The following SGCD variants were observed in gnomAD, a reference collection of about 807,000 sequenced individuals.
The protein encoded by SGCD is sarcoglycan delta.
SGCD carries 18 observed loss-of-function variants against 36.6 expected under a neutral mutation model. That is an observed-to-expected ratio of 0.49 (90% CI 0.34 to 0.73). The LOEUF (loss-of-function observed/expected upper bound fraction) is 0.73. Ranked by LOEUF, SGCD falls within the 30% of genes least tolerant of loss-of-function variation. The pLI, the probability that SGCD is intolerant of heterozygous loss-of-function variation, is 0.01. For missense variants in SGCD, 387 were observed against 346.7 expected (o/e 1.12, Z -0.92); for synonymous variants, 133 against 130.6 (o/e 1.02, Z -0.12).
rs189466762 is a variant in SGCD, at chr5:156,532,712, C to T, written c.294+24010C>T. Among the ~76,000 whole-genome samples the T allele has an allele frequency of 2.0e-3, 312 of 152,276 alleles. 1 individual carries two copies. Among genetic ancestry groups the T allele is most frequent in the African/African-American group, 7.3e-3 (304 of 41,550 alleles). On this transcript the variant is annotated intron_variant, in intron 4 of 8. Coordinates refer to ENST00000337851, the MANE Select transcript of SGCD (RefSeq NM_000337.6). Reference sequence around the variant, plus strand: ...TCCTGACCTCATGATCTGCCCACCTCGGCCTCCCAAAGTGCTGGGATTATA... The same window carrying T: ...TCCTGACCTCATGATCTGCCCACCTTGGCCTCCCAAAGTGCTGGGATTATA...
At chr5:156,124,834 T>G (rs1365362759) in intron 3 of SGCD, among the ~76,000 whole-genome samples, 3 of 151,960 alleles carry the variant, frequency 2.0e-5, no homozygotes. Flanking sequence ...GAGTCAGGCA[T>G]TGTGCTATGA....
chr5:156,364,669 T>G (rs1769994675), intron 3 of SGCD, among the ~76,000 whole-genome samples: 1 of 152,174 alleles, frequency 6.6e-6, no homozygotes, highest in African/African-American at 2.4e-5. Context: ...CTCCCTCCCT[T>G]TGTGGGATTT....
intron 6 of SGCD, among the ~76,000 whole-genome samples, chr5:156,598,103 T>G (rs941622385): frequency 6.6e-6 from 1 of 152,234 alleles, no homozygotes; most frequent in Non-Finnish European, 1.5e-5. Flanking sequence ...CCAGCCTCGG[T>G]GCACTTCACT....
the SGCD span, among the ~76,000 whole-genome samples, chr5:155,863,704 A>G: frequency 0.018 from 2,776 of 151,470 alleles, 42 homozygotes; most frequent in Middle Eastern, 0.038. Flanking sequence ...AGATTTGGAG[A>G]TGAAGGTCAG....
intron 1 of SGCD, among the ~76,000 whole-genome samples, chr5:155,936,451 T>G (rs1417987925): frequency 6.6e-6 from 1 of 152,134 alleles, no homozygotes; most frequent in Non-Finnish European, 1.5e-5. Flanking sequence ...CTCCTCTCCA[T>G]AGCTGGTCGT....
chr5:156,293,700 G>T (rs1581223939), intron 3 of SGCD, among the ~76,000 whole-genome samples: 1 of 151,980 alleles, frequency 6.6e-6, no homozygotes, highest in Non-Finnish European at 1.5e-5. Flanking sequence ...TTATCACATT[G>T]TTTTGATTAT....
At chr5:155,822,270 G>C in the SGCD span, among the ~76,000 whole-genome samples, 1 of 152,104 alleles carries the variant, frequency 6.6e-6, no homozygotes, top group Non-Finnish European at 1.5e-5. Context: ...TTTTAAAAAG[G>C]TGGCCCCTCT....
chr5:156,338,005 G>C (rs1768446845), intron 2 of SGCD, among the ~76,000 whole-genome samples: 1 of 152,128 alleles, frequency 6.6e-6, no homozygotes, highest in Non-Finnish European at 1.5e-5. Flanking sequence ...CTAGTGGGGA[G>C]CAGAGTCAAA....
intron 4 of SGCD, among the ~76,000 whole-genome samples, chr5:156,534,399 C>G (rs1194254897): frequency 6.6e-6 from 1 of 152,176 alleles, no homozygotes; most frequent in African/African-American, 2.4e-5. Flanking sequence ...CCAAATCATC[C>G]TTTTGTTCAT....
intron 7 of SGCD, among the ~76,000 whole-genome samples, chr5:156,719,636 G>T (rs952155795): frequency 5.3e-5 from 8 of 152,002 alleles, no homozygotes; most frequent in African/African-American, 1.9e-4. Context: ...GGATGGTGTT[G>T]CACTATACAA....
rs187440162 is a variant in SGCD at position 156,008,295 on chromosome 5, A to T, written c.-281-109583A>T. On this transcript the variant is annotated intron_variant, in intron 1 of 9. Coordinates refer to the SGCD transcript ENST00000517913. ...TCTGGTGGCTTCCAGCAATCCTTGA[A>T]GTTCCTTGACTTACAGCTGATATGC... Among the ~76,000 whole-genome samples, 376 of 152,228 alleles carry T rather than the reference A, an allele frequency of 2.5e-3. 1 individual carries two copies. The highest frequency in any genetic ancestry group is 0.01 in the Middle Eastern group (3 of 294).
the SGCD span, among the ~76,000 whole-genome samples, chr5:155,759,002 T>G: frequency 6.7e-6 from 1 of 149,714 alleles, no homozygotes; most frequent in Non-Finnish European, 1.5e-5. Flanking sequence ...TTTTATGATT[T>G]TTTTTATTTT....
chr5:156,431,653 T>C (rs1753015312), intron 3 of SGCD, among the ~76,000 whole-genome samples: 2 of 152,218 alleles, frequency 1.3e-5, no homozygotes, highest in Non-Finnish European at 2.9e-5. Context: ...GATGTGGTAC[T>C]GTCCCCCTTC....
chr5:155,914,671 C>T (rs185390761), intron 1 of SGCD, among the ~76,000 whole-genome samples: 125 of 152,200 alleles, frequency 8.2e-4, no homozygotes, highest in Non-Finnish European at 1.3e-3. Flanking sequence ...ACTTTAAAAG[C>T]GTATATTAAG....
intron 3 of SGCD, among the ~76,000 whole-genome samples, chr5:156,397,987 A>G (rs922218603): frequency 6.6e-6 from 1 of 152,204 alleles, no homozygotes; most frequent in Non-Finnish European, 1.5e-5. Context: ...CTGGGTCAGC[A>G]TCCAAACCTT....
At chr5:156,679,261 A>T (rs1013520509) in intron 7 of SGCD, among the ~76,000 whole-genome samples, 1 of 152,218 alleles carries the variant, frequency 6.6e-6, no homozygotes, top group African/African-American at 2.4e-5. Context: ...CAATGTATTC[A>T]GTTTAAGACC....
chr5:156,181,421 CAA>C (rs1356874052), intron 3 of SGCD, among the ~76,000 whole-genome samples: 1 of 152,030 alleles, frequency 6.6e-6, no homozygotes. Context: ...CAAATAAAAA[CAA>C]ATCTGAATTT....
intron 3 of SGCD, among the ~76,000 whole-genome samples, chr5:156,504,450 G>A (rs1305917654): frequency 1.4e-5 from 2 of 145,844 alleles, no homozygotes; most frequent in Non-Finnish European, 3.0e-5. Context: ...ATATTAAACA[G>A]TTATTTTTCA....
chr5:156,102,111 G>A (rs958993817), intron 1 of SGCD, among the ~76,000 whole-genome samples: 3 of 151,828 alleles, frequency 2.0e-5, no homozygotes, highest in African/African-American at 7.3e-5. Context: ...ATACATATTT[G>A]TGGAACAAAT....
Sources: allele counts gnomAD v4.1 joint callset (sites outside exome capture counted in the v4.1 genomes callset), GRCh38; gene constraint gnomAD v4.1.1; transcripts MANE v1.5; gene names NCBI Gene and HGNC (gene_info 2026-07-23, HGNC 2026-07-21).